The following UBE2V2 variants were observed in gnomAD, a reference collection of about 807,000 sequenced individuals.
UBE2V2 encodes ubiquitin conjugating enzyme E2 V2.
UBE2V2 carries 9 observed loss-of-function variants against 17.2 expected under a neutral mutation model. The ratio of observed to expected loss-of-function variants is 0.52; its 90% CI spans 0.32 to 0.91. The LOEUF (loss-of-function observed/expected upper bound fraction) is 0.91. Ranked by LOEUF, UBE2V2 falls within the 40% of genes least tolerant of loss-of-function variation. The pLI is 0.04. For missense variants in UBE2V2, 133 were observed against 182.6 expected, an observed-to-expected ratio of 0.73 and a Z score of 1.56; for synonymous variants, 61 against 57.5, an observed-to-expected ratio of 1.06 and a Z score of -0.28.
chr8:48,024,363 G>A (rs926290831), intron 1 of UBE2V2, among the ~76,000 whole-genome samples: 3 of 151,914 alleles, frequency 2.0e-5, no homozygotes, highest in Admixed American at 6.6e-5. Flanking sequence ...TGGGAGGCCA[G>A]GGTAGGTGGA....
At chr8:48,031,346 T>C (rs1192439021) in intron 1 of UBE2V2, among the ~76,000 whole-genome samples, 1 of 152,214 alleles carries the variant, frequency 6.6e-6, no homozygotes, top group Non-Finnish European at 1.5e-5. Flanking sequence ...ATATTTTAGT[T>C]CATATATATT....
intron 1 of UBE2V2, among the ~76,000 whole-genome samples, chr8:48,021,926 T>C (rs1339140853): frequency 6.6e-6 from 1 of 150,552 alleles, no homozygotes; most frequent in Non-Finnish European, 1.5e-5. Context: ...ATGATCCACC[T>C]GCCTCAGCCT....
At position 48,009,267 on chromosome 8, in the gene UBE2V2, CTTTTTT is replaced by C. The variant is rs143794770; in HGVS notation, c.16+809_16+814del. Among the ~76,000 whole-genome samples the C allele has an allele frequency of 5.7e-3, 758 of 133,786 alleles. 11 individuals are homozygous for C. The highest frequency in any genetic ancestry group is 0.02 in the African/African-American group (732 of 36,958). 87.8% of individuals were successfully genotyped at this position (133,786 alleles called of 152,430 possible). On this transcript the variant is annotated intron_variant, in intron 1 of 3. Coordinates refer to ENST00000523111, the MANE Select transcript of UBE2V2 (RefSeq NM_003350.3). ...GTGATCTGCCTTTTTCTTTTCTTTT[CTTTTTT>C]TTTTTTTTTTTGAGTCAGAGGCTCA...
chr8:48,026,291 T>A (rs991754827), intron 1 of UBE2V2, among the ~76,000 whole-genome samples: 2 of 152,154 alleles, frequency 1.3e-5, no homozygotes, highest in Non-Finnish European at 2.9e-5. Context: ...TAAAGTTCTA[T>A]GGAAAAGGGC....
upstream of UBE2V2, among the ~76,000 whole-genome samples, chr8:48,007,236 CATAG>C (rs2091190338): frequency 1.3e-5 from 2 of 152,048 alleles, no homozygotes; most frequent in Non-Finnish European, 2.9e-5. Flanking sequence ...TCCTATTCAA[CATAG>C]TATTGGAAGT....
At chr8:48,028,087 C>T (rs2091357629) in intron 1 of UBE2V2, among the ~76,000 whole-genome samples, 1 of 152,150 alleles carries the variant, frequency 6.6e-6, no homozygotes, top group East Asian at 1.9e-4. Context: ...CTGCTGACCT[C>T]GTGATCTGCC....
intron 1 of UBE2V2, among the ~76,000 whole-genome samples, chr8:48,022,632 A>G (rs2091313384): frequency 6.6e-6 from 1 of 152,112 alleles, no homozygotes; most frequent in African/African-American, 2.4e-5. Context: ...ACTCATCAGT[A>G]TCCTTTTCTT....
intron 2 of UBE2V2, among the ~76,000 whole-genome samples, chr8:48,045,702 G>A (rs147230338): frequency 6.2e-4 from 95 of 152,292 alleles, no homozygotes; most frequent in African/African-American, 2.3e-3. Context: ...AGGAGGGTGT[G>A]CCCTGCAAAG....
intron 1 of UBE2V2, among the ~76,000 whole-genome samples, chr8:48,024,125 G>A (rs1385787356): frequency 6.6e-6 from 1 of 152,126 alleles, no homozygotes; most frequent in Admixed American, 6.6e-5. Context: ...AAATCCTTGT[G>A]GCTGTGTATA....
chr8:48,012,494 G>A lies in UBE2V2; in HGVS notation c.16+4024G>A, dbSNP rs144328822. On this transcript the variant is annotated intron_variant, in intron 1 of 3. Transcript: ENST00000523111. ...AGCACTTTGGGAGGCCGAGGTGGGC[G>A]GATTACCTGAGGTCGGGAGGTTGAG... 4.8e-3 allele frequency among the ~76,000 whole-genome samples: 723 copies of A among 152,176 alleles called. 7 individuals are homozygous for A. Among genetic ancestry groups the A allele is most frequent in the African/African-American group, 0.016 (685 of 41,526 alleles).
chr8:48,021,034 C>T (rs1392072658), intron 1 of UBE2V2, among the ~76,000 whole-genome samples: 2 of 151,494 alleles, frequency 1.3e-5, no homozygotes, highest in East Asian at 1.9e-4. Flanking sequence ...GCATGATCCA[C>T]TCTGCTGGCT....
chr8:48,052,422 TA>T (rs1222485137), intron 3 of UBE2V2, among the ~76,000 whole-genome samples: 1 of 152,232 alleles, frequency 6.6e-6, no homozygotes, highest in African/African-American at 2.4e-5. Context: ...CTACCTCTAA[TA>T]AGCTTATCTG....
rs1213930951 is a variant in UBE2V2, at chr8:48,053,351, C to A, written c.291+3373C>A. On this transcript the variant is annotated intron_variant, in intron 3 of 3. Coordinates refer to ENST00000523111, the MANE Select transcript of UBE2V2 (RefSeq NM_003350.3). ...ATAGAAGTTTTAGAGAATGATAGAA[C>A]CAGCATCTATGTGTCCTTCACCTAG... is the stretch of plus-strand genomic sequence containing the variant. Among the ~76,000 whole-genome samples, 4 of 151,888 alleles carry A rather than the reference C, an allele frequency of 2.6e-5. No homozygotes were observed. The East Asian group carries it at 7.7e-4, about 29-fold the overall frequency.
chr8:48,035,669 G>T (rs1589858559), intron 1 of UBE2V2, among the ~76,000 whole-genome samples: 3 of 85,312 alleles, frequency 3.5e-5, no homozygotes, highest in South Asian at 3.4e-4. Flanking sequence ...GTATATGTAT[G>T]TATGCTTTTT....
At chr8:48,060,351 C>T (rs571190067) in intron 3 of UBE2V2, among the ~76,000 whole-genome samples, 9 of 151,506 alleles carry the variant, frequency 5.9e-5, no homozygotes, top group South Asian at 2.1e-4. Flanking sequence ...AGATTTTGGG[C>T]GGTGGCATTG....
chr8:48,051,771 G>A (rs1295412178), intron 3 of UBE2V2, among the ~76,000 whole-genome samples: 2 of 152,114 alleles, frequency 1.3e-5, no homozygotes, highest in Non-Finnish European at 2.9e-5. Context: ...CAGATTGGCT[G>A]GTGCATCCAG....
chr8:48,049,587 G>A, intron 2 of UBE2V2: 1 of 232,156 alleles, frequency 4.3e-6, no homozygotes, highest in South Asian at 1.1e-4. Flanking sequence ...AAAGCAACTT[G>A]GGATCATATT....
rs769651262 is a variant in UBE2V2 at position 48,061,059 on chromosome 8, C to G, written c.*231C>G. On this transcript the variant is annotated 3_prime_UTR_variant, in exon 4 of 4. Transcript: ENST00000523111. ...CTCTTGAAAGGCACTGTCATTTAAA[C>G]ATAAACCTGGAGTACTCGAAATAGA... The G allele has an allele frequency of 3.2e-5, 10 of 308,596 alleles. No homozygotes were observed. The highest frequency in any genetic ancestry group is 5.2e-5 in the Non-Finnish European group (9 of 172,076). 19.1% of individuals were successfully genotyped at this position (308,596 alleles called of 1,614,324 possible).
intron 2 of UBE2V2, among the ~76,000 whole-genome samples, chr8:48,049,263 A>T (rs2091519664): frequency 6.6e-6 from 1 of 152,178 alleles, no homozygotes; most frequent in African/African-American, 2.4e-5. Flanking sequence ...TATTGCTGCA[A>T]AATAGTATAA....
Sources: gnomAD v4.1 joint callset for allele counts (sites outside exome capture counted in the v4.1 genomes callset) on GRCh38, gnomAD v4.1.1 for gene constraint, MANE v1.5 for transcripts, NCBI Gene and HGNC (gene_info 2026-07-23, HGNC 2026-07-21) for gene names.